The following FBXL14 variants were observed in gnomAD, a reference collection of about 807,000 sequenced individuals.
FBXL14 encodes the protein F-box and leucine rich repeat protein 14.
In FBXL14, 11 loss-of-function variants were observed where a neutral mutation model predicts 24.5. That is an observed-to-expected ratio of 0.45 (90% CI 0.28 to 0.74). FBXL14 has a LOEUF of 0.74. Ranked by LOEUF, FBXL14 falls within the 30% of genes least tolerant of loss-of-function variation. The pLI, the probability that FBXL14 is intolerant of heterozygous loss-of-function variation, is 0.12. For missense variants in FBXL14, 384 were observed against 545.6 expected, an observed-to-expected ratio of 0.70 and a Z score of 2.95; for synonymous variants, 294 against 240.4, an observed-to-expected ratio of 1.22 and a Z score of -2.06.
chr12:1,581,986 C>T (rs2094467268), intron 1 of FBXL14, among the ~76,000 whole-genome samples: 1 of 152,108 alleles, frequency 6.6e-6, no homozygotes, highest in African/African-American at 2.4e-5. Context: ...ATTAGCCAGG[C>T]ATGGTGGCAC....
In FBXL14 at chr12:1,594,517, G is replaced by GCCGGGCGCACGGGCT. The variant is rs975756631; in HGVS notation, c.-466_-452dup. 6.8e-6 allele frequency among the ~76,000 whole-genome samples: 1 copy of GCCGGGCGCACGGGCT among 147,346 alleles called. No individual in the cohort carries two copies. Among genetic ancestry groups the GCCGGGCGCACGGGCT allele is most frequent in the African/African-American group, 2.4e-5 (1 of 40,914 alleles). On this transcript the variant is annotated 5_prime_UTR_variant, in exon 1 of 2. Coordinates refer to ENST00000339235, the MANE Select transcript of FBXL14 (RefSeq NM_152441.3). ...GGCGGGCGGCGAGGGGGCCCCGGGG[G>GCCGGGCGCACGGGCT]CCGGGCGCACGGGCTCCGGGCGCGG...
intron 1 of FBXL14, among the ~76,000 whole-genome samples, chr12:1,573,489 G>A (rs11061862): frequency 0.13 from 19,783 of 152,156 alleles, 1,559 homozygotes; most frequent in Middle Eastern, 0.22. Flanking sequence ...CACGACTAGG[G>A]GGTCCTTCTA....
Position 1,579,731 on chromosome 12 carries a change from C to T in FBXL14, c.1195-12921G>A, listed in dbSNP as rs1298388744. On this transcript the variant is annotated intron_variant, in intron 1 of 1. Coordinates refer to ENST00000339235, the MANE Select transcript of FBXL14 (RefSeq NM_152441.3). The surrounding 1 kb of genome is among the most constrained non-coding windows in gnomAD (Gnocchi z 4.3). ...TGGTATTTAGTTTGCTGACTTTTAA[C>T]TCTCAGAGCTGAACAGTCTAATCCT... Among the ~76,000 whole-genome samples, 2 of 152,086 alleles carry T rather than the reference C, an allele frequency of 1.3e-5. No homozygotes were observed. The highest frequency in any genetic ancestry group is 2.4e-5 in the African/African-American group (1 of 41,412).
chr12:1,572,390 C>G (rs989032273), intron 1 of FBXL14, among the ~76,000 whole-genome samples: 1 of 152,254 alleles, frequency 6.6e-6, no homozygotes, highest in South Asian at 2.1e-4. Flanking sequence ...ACGTTTGCAA[C>G]TGGATGCAGG....
chr12:1,571,217 G>GT (rs1207947568), intron 1 of FBXL14, among the ~76,000 whole-genome samples: 3 of 151,178 alleles, frequency 2.0e-5, no homozygotes, highest in Non-Finnish European at 4.4e-5. Context: ...TGTTTGTTTT[G>GT]TTTTTTTGAG....
chr12:1,571,558 T>C (rs932427238), intron 1 of FBXL14, among the ~76,000 whole-genome samples: 8 of 152,228 alleles, frequency 5.3e-5, no homozygotes, highest in African/African-American at 1.9e-4. Context: ...ACACAGCTCA[T>C]CAGTTTCATA....
At chr12:1,592,190 G>GTATATATATA (rs576737463) in intron 1 of FBXL14, among the ~76,000 whole-genome samples, 56 of 139,074 alleles carry the variant, frequency 4.0e-4, no homozygotes, top group African/African-American at 1.1e-3. Context: ...ACATATATAT[G>GTATATATATA]TATATATATA....
At chr12:1,590,204 T>TC (rs2094486351) in intron 1 of FBXL14, among the ~76,000 whole-genome samples, 1 of 151,872 alleles carries the variant, frequency 6.6e-6, no homozygotes, top group Admixed American at 6.6e-5. Flanking sequence ...ATCCACACCT[T>TC]CCCCAAAGAA....
In FBXL14 at chr12:1,594,013, G is replaced by A. The variant is rs1439475366; in HGVS notation, c.54C>T (p.Gly18=). 6.3e-7 allele frequency: 1 copy of A among 1,576,524 alleles called. No individual in the cohort carries two copies. Among genetic ancestry groups the A allele is most frequent in the Admixed American group, 1.8e-5 (1 of 56,772 alleles). ...GCCCCTTGTCCCGGACGTCCAGGTAGCCGAAGATCATGGCCAGCAGCTCCG... is the reference window on the plus strand; with the variant it reads ...GCCCCTTGTCCCGGACGTCCAGGTAACCGAAGATCATGGCCAGCAGCTCCG... ...LFPELLAMIF[G]YLDVRDKGRA... Residue 18 remains glycine (G), a synonymous_variant, in exon 1 of 2, where the codon GGC becomes GGT. Transcript: ENST00000339235.
chr12:1,581,303 C>T (rs2094465836), intron 1 of FBXL14, among the ~76,000 whole-genome samples: 4 of 152,126 alleles, frequency 2.6e-5, no homozygotes, highest in South Asian at 4.1e-4. Context: ...AATCAGTGTC[C>T]GGGCTGTGTG....
At chr12:1,574,766 CA>C (rs2094452645) in intron 1 of FBXL14, 1 of 156,448 alleles carries the variant, frequency 6.4e-6, no homozygotes, top group African/African-American at 2.4e-5. Flanking sequence ...CGGGCCATGC[CA>C]GCAGAATCCC....
chr12:1,583,211 C>G (rs930837797), intron 1 of FBXL14, among the ~76,000 whole-genome samples: 1 of 152,020 alleles, frequency 6.6e-6, no homozygotes, highest in African/African-American at 2.4e-5. Context: ...AGATACACTT[C>G]TGATTTTTCT....
chr12:1,591,372 T>TA (rs1490140682), intron 1 of FBXL14, among the ~76,000 whole-genome samples: 3 of 133,524 alleles, frequency 2.2e-5, no homozygotes, highest in African/African-American at 8.4e-5. Context: ...TTCAAAAACA[T>TA]ACTTCATATT....
chr12:1,573,817 C>G (rs1041474691), intron 1 of FBXL14, among the ~76,000 whole-genome samples: 7 of 152,128 alleles, frequency 4.6e-5, no homozygotes, highest in Admixed American at 3.3e-4. Context: ...CCAGCCTGAC[C>G]AACATGGAGA....
chr12:1,579,317 T>C lies in FBXL14; in HGVS notation c.1195-12507A>G, dbSNP rs1404865185. ...ATACTGACGAAAACAAAACCAGAGG[T>C]TTTAAAAAATAATCTGGGCCGGGCA... On this transcript the variant is annotated intron_variant, in intron 1 of 1. Transcript: ENST00000339235. The surrounding 1 kb of genome is among the most constrained non-coding windows in gnomAD (Gnocchi z 4.3). Among the ~76,000 whole-genome samples the C allele has an allele frequency of 6.6e-6, 1 of 151,610 alleles. No homozygotes were observed. The highest frequency in any genetic ancestry group is 3.4e-3 in the Middle Eastern group (1 of 294).
chr12:1,578,710 T>C (rs2094460555), intron 1 of FBXL14, among the ~76,000 whole-genome samples: 1 of 151,938 alleles, frequency 6.6e-6, no homozygotes, highest in South Asian at 2.1e-4. Flanking sequence ...TGAAGAATGA[T>C]GATGAAGACT....
chr12:1,588,487 C>T (rs2094481474), intron 1 of FBXL14, among the ~76,000 whole-genome samples: 1 of 152,150 alleles, frequency 6.6e-6, no homozygotes, highest in African/African-American at 2.4e-5. Context: ...TTAGGATATA[C>T]TGGTACTGGC....
chr12:1,580,137 A>G (rs2094463383), intron 1 of FBXL14, among the ~76,000 whole-genome samples: 1 of 152,232 alleles, frequency 6.6e-6, no homozygotes, highest in Non-Finnish European at 1.5e-5. Flanking sequence ...GTCAGTGCAT[A>G]TAACTAGGAA....
chr12:1,588,719 G>A (rs926061719), intron 1 of FBXL14, among the ~76,000 whole-genome samples: 3 of 152,088 alleles, frequency 2.0e-5, no homozygotes, highest in African/African-American at 7.2e-5. Context: ...AGGTTTACAC[G>A]AAGTTTACAT....
Sources: gnomAD v4.1 joint callset for allele counts (sites outside exome capture counted in the v4.1 genomes callset) on GRCh38, gnomAD v4.1.1 for gene constraint, Gnocchi (gnomAD v3.1) non-coding constraint, MANE v1.5 for transcripts, NCBI Gene and HGNC (gene_info 2026-07-23, HGNC 2026-07-21) for gene names.